The following SLC24A2 variants were observed in gnomAD, a reference collection of about 807,000 sequenced individuals.
The protein encoded by SLC24A2 is sodium/potassium/calcium exchanger 2.
In SLC24A2, 36 loss-of-function variants were observed where a neutral mutation model predicts 62.0. That is an observed-to-expected ratio of 0.58 (90% CI 0.44 to 0.77). The LOEUF (loss-of-function observed/expected upper bound fraction) is 0.77. Ranked by LOEUF, SLC24A2 falls within the 30% of genes least tolerant of loss-of-function variation. The pLI is 0.00. For missense variants in SLC24A2, 846 were observed against 817.9 expected (o/e 1.03, Z -0.42); for synonymous variants, 358 against 294.0 (o/e 1.22, Z -2.23).
chr9:20,147,967 C>T, the SLC24A2 span, among the ~76,000 whole-genome samples: 7 of 152,028 alleles, frequency 4.6e-5, no homozygotes, highest in African/African-American at 7.2e-5. Flanking sequence ...GCTTTACCTC[C>T]ACAATGCATT....
the SLC24A2 span, among the ~76,000 whole-genome samples, chr9:19,905,394 C>T: frequency 4.0e-5 from 6 of 150,844 alleles, no homozygotes; most frequent in South Asian, 2.1e-4. Context: ...TTAACTCCAT[C>T]GCTTCCCACC....
the SLC24A2 span, among the ~76,000 whole-genome samples, chr9:19,962,323 C>T: frequency 6.6e-6 from 1 of 152,164 alleles, no homozygotes; most frequent in Non-Finnish European, 1.5e-5. Flanking sequence ...GTTCTTTTAG[C>T]TTAGGATTGA....
chr9:20,286,973 A>G, the SLC24A2 span, among the ~76,000 whole-genome samples: 4 of 152,194 alleles, frequency 2.6e-5, no homozygotes, highest in Non-Finnish European at 4.4e-5. Context: ...CAGAAACACT[A>G]AAGTGCTTGC....
At chr9:19,920,651 T>C in the SLC24A2 span, among the ~76,000 whole-genome samples, 17 of 152,158 alleles carry the variant, frequency 1.1e-4, no homozygotes, top group African/African-American at 3.1e-4. Context: ...TCCCTGGGCA[T>C]TGGTTGAGAG....
chr9:19,522,902 GGAGTGAA>G (rs1833266696), intron 9 of SLC24A2, among the ~76,000 whole-genome samples: 1 of 152,150 alleles, frequency 6.6e-6, no homozygotes, highest in African/African-American at 2.4e-5. Context: ...TGTTAGATTT[GGAGTGAA>G]GCATTGCCAA....
intron 5 of SLC24A2, among the ~76,000 whole-genome samples, chr9:19,588,723 G>A (rs1836451016): frequency 6.6e-6 from 1 of 152,182 alleles, no homozygotes; most frequent in Non-Finnish European, 1.5e-5. Context: ...CACATTGGGA[G>A]GCTGAGTCAG....
chr9:20,235,500 G>A, the SLC24A2 span, among the ~76,000 whole-genome samples: 32 of 152,308 alleles, frequency 2.1e-4, no homozygotes, highest in African/African-American at 6.0e-4. Flanking sequence ...AGCAATGAGC[G>A]AGACTCTGTG....
At chr9:20,193,940 T>A in the SLC24A2 span, among the ~76,000 whole-genome samples, 1 of 152,096 alleles carries the variant, frequency 6.6e-6, no homozygotes, top group African/African-American at 2.4e-5. Flanking sequence ...GACTTTAAGA[T>A]TTATCAAAGA....
At chr9:20,149,254 G>A in the SLC24A2 span, among the ~76,000 whole-genome samples, 68 of 152,130 alleles carry the variant, frequency 4.5e-4, no homozygotes, top group Admixed American at 9.8e-4. Flanking sequence ...CAGTTTGGCC[G>A]TTGGGATTCA....
chr9:20,000,268 G>T, the SLC24A2 span, among the ~76,000 whole-genome samples: 1 of 152,120 alleles, frequency 6.6e-6, no homozygotes, highest in Admixed American at 6.6e-5. Context: ...CATGGACTTT[G>T]CTCATAACAG....
chr9:19,641,122 A>C (rs1818481241), intron 2 of SLC24A2, among the ~76,000 whole-genome samples: 1 of 152,234 alleles, frequency 6.6e-6, no homozygotes, highest in African/African-American at 2.4e-5. Context: ...AAGACCATTC[A>C]GATGTAAAGA....
chr9:19,613,139 T>C (rs1229345819), intron 4 of SLC24A2, among the ~76,000 whole-genome samples: 2 of 152,220 alleles, frequency 1.3e-5, no homozygotes, highest in Non-Finnish European at 2.9e-5. Context: ...TACTACCATA[T>C]AGTAGACCCT....
chr9:20,194,215 G>C, the SLC24A2 span, among the ~76,000 whole-genome samples: 1 of 151,906 alleles, frequency 6.6e-6, no homozygotes, highest in Non-Finnish European at 1.5e-5. Flanking sequence ...AGAAATCAAA[G>C]AATAAAGACC....
chr9:19,722,828 A>C (rs1429736356), intron 2 of SLC24A2, among the ~76,000 whole-genome samples: 1 of 152,140 alleles, frequency 6.6e-6, no homozygotes, highest in Admixed American at 6.6e-5. Context: ...TGGGAAGGAC[A>C]GGCAGAAGGA....
At chr9:19,767,397 C>T (rs921116345) in intron 2 of SLC24A2, among the ~76,000 whole-genome samples, 3 of 152,176 alleles carry the variant, frequency 2.0e-5, no homozygotes, top group African/African-American at 4.8e-5. Context: ...AATGGCCGTA[C>T]AATTTTGTGC....
At chr9:20,197,357 A>G in the SLC24A2 span, among the ~76,000 whole-genome samples, 1 of 149,012 alleles carries the variant, frequency 6.7e-6, no homozygotes, top group Non-Finnish European at 1.5e-5. Context: ...GTTTAGGGCC[A>G]TTTTCACCAT....
the SLC24A2 span, among the ~76,000 whole-genome samples, chr9:20,189,863 T>G: frequency 6.6e-6 from 1 of 152,170 alleles, no homozygotes; most frequent in African/African-American, 2.4e-5. Flanking sequence ...GACTGCACAA[T>G]TCTGCCTCTG....
At chr9:20,118,072 C>G in the SLC24A2 span, among the ~76,000 whole-genome samples, 1 of 152,168 alleles carries the variant, frequency 6.6e-6, no homozygotes, top group East Asian at 1.9e-4. Context: ...TGTCTAGTGC[C>G]CAATCTGCCT....
chr9:19,709,226 A>G (rs916074466), intron 2 of SLC24A2, among the ~76,000 whole-genome samples: 18 of 151,862 alleles, frequency 1.2e-4, no homozygotes, highest in Admixed American at 1.2e-3. Context: ...CACCAGTTAG[A>G]ATGGCAATCA....
Sources: allele counts gnomAD v4.1 joint callset (sites outside exome capture counted in the v4.1 genomes callset), GRCh38; gene constraint gnomAD v4.1.1; transcripts MANE v1.5; gene names NCBI Gene and HGNC (gene_info 2026-07-23, HGNC 2026-07-21).